Variants in DSCC1 observed in about 807,000 individuals in gnomAD.
DSCC1 encodes the protein DNA replication and sister chromatid cohesion 1.
DSCC1 carries 32 observed loss-of-function variants against 48.2 expected under a neutral mutation model. The observed-to-expected ratio is 0.66, with a 90% CI of 0.50 to 0.89. DSCC1 has a LOEUF of 0.89. Ranked by LOEUF, DSCC1 falls within the 40% of genes least tolerant of loss-of-function variation. The probability of loss-of-function intolerance (pLI) is 0.00; values close to 1 mark genes in which losing one functional copy is unlikely to be tolerated. For synonymous variants in DSCC1, 150 were observed against 171.5 expected, an observed-to-expected ratio of 0.87 and a Z score of 0.98; for missense variants, 421 against 471.7, an observed-to-expected ratio of 0.89 and a Z score of 1.00.
At chr8:119,851,770 A>G (rs995832204) in intron 2 of DSCC1, among the ~76,000 whole-genome samples, 9 of 151,962 alleles carry the variant, frequency 5.9e-5, no homozygotes, top group African/African-American at 1.9e-4. Context: ...TTTCTCATCT[A>G]ACCCCTTTAA....
Position 119,841,956 on chromosome 8 carries a change from A to G in DSCC1, c.770-8T>C. ...ACTCAAAATAAACTTCGCCTAAGGA[A>G]AAGTTATCAGATATTTTCATATTAT... is the stretch of plus-strand genomic sequence containing the variant. On this transcript the variant is annotated splice_polypyrimidine_tract_variant and splice_region_variant and intron_variant, in intron 6 of 8. Coordinates refer to ENST00000313655, the MANE Select transcript of DSCC1 (RefSeq NM_024094.3). 6.2e-7 allele frequency: 1 copy of G among 1,612,534 alleles called. No individual in the cohort carries two copies. Among genetic ancestry groups the G allele is most frequent in the Non-Finnish European group, 8.5e-7 (1 of 1,178,878 alleles).
chr8:119,854,356 C>G (rs1826986065), intron 1 of DSCC1, among the ~76,000 whole-genome samples: 1 of 152,186 alleles, frequency 6.6e-6, no homozygotes, highest in Non-Finnish European at 1.5e-5. Flanking sequence ...TTTTCCTTGT[C>G]TGTAAAGCAT....
chr8:119,835,296 G>A (rs958977708), intron 8 of DSCC1, among the ~76,000 whole-genome samples: 1 of 152,124 alleles, frequency 6.6e-6, no homozygotes, highest in African/African-American at 2.4e-5. Flanking sequence ...CACAAGGTCA[G>A]GAGTTGAAGA....
intron 1 of DSCC1, among the ~76,000 whole-genome samples, chr8:119,855,005 G>A (rs191790116): frequency 3.0e-4 from 45 of 152,324 alleles, no homozygotes; most frequent in African/African-American, 1.1e-3. Context: ...GGGCTGCACA[G>A]GGTGGAGGGA....
At chr8:119,844,786 A>C (rs1826830792) in intron 4 of DSCC1, among the ~76,000 whole-genome samples, 1 of 152,182 alleles carries the variant, frequency 6.6e-6, no homozygotes, top group African/African-American at 2.4e-5. Flanking sequence ...GGAAATCTGC[A>C]GTTGGTACAG....
At chr8:119,837,718 G>A (rs1276902418) in intron 8 of DSCC1, among the ~76,000 whole-genome samples, 1 of 152,190 alleles carries the variant, frequency 6.6e-6, no homozygotes, top group Non-Finnish European at 1.5e-5. Context: ...AGGGCCACAG[G>A]AGTAAAGTGT....
rs1190932906 is a variant in DSCC1, at chr8:119,834,911, C to T, written c.1164G>A (p.Ser388=). 13 of 1,603,682 alleles carry T rather than the reference C, an allele frequency of 8.1e-6. No homozygotes were observed. Among genetic ancestry groups the T allele is most frequent in the East Asian group, 4.5e-5 (2 of 44,616 alleles). The change falls in exon 9 of 9, where the codon TCG becomes TCA. Residue 388 remains serine (S), a synonymous_variant. Transcript: ENST00000313655. The part of the protein sequence containing the change: ...SMQNGVKVYN[S]RRPIS The stretch of plus-strand genomic sequence containing the variant: ...TGTTCTTTTAAGAAATGGGTCTTCT[C>T]GAATTATAAACTTTAACACCATTTT...
chr8:119,838,311 G>C lies in DSCC1; in HGVS notation c.1021C>G (p.Leu341Val), dbSNP rs1029084655. ...PEDNQERFNSLFSLREKWTEE... is the reference protein window; with the variant it reads ...PEDNQERFNSVFSLREKWTEE... ...GTCCACTTCTCCCTTAGAGAGAAAA[G>C]GCTATTAAAACGTTCCTGATTATCC... The change falls in exon 8 of 9, where the codon CTT becomes GTT. Residue 341 changes from leucine (L) to valine (V), a missense_variant. Physicochemically the swap from Leu to Val is conservative, Grantham distance 32. This residue lies in a region of DSCC1 where 238 missense variants were observed against 259.0 expected (regional missense o/e 0.92). Transcript: ENST00000313655. The C allele has an allele frequency of 6.2e-7, 1 of 1,608,388 alleles. No individual in the cohort carries two copies. Among genetic ancestry groups the C allele is most frequent in the African/African-American group, 1.3e-5 (1 of 74,910 alleles).
rs778669565 is a variant in DSCC1, at chr8:119,834,977, G to C, written c.1098C>G (p.Thr366=). The C allele has an allele frequency of 1.9e-6, 3 of 1,605,262 alleles. No homozygotes were observed. The highest frequency in any genetic ancestry group is 2.6e-6 in the Non-Finnish European group (3 of 1,175,984). The change falls in exon 9 of 9, where the codon ACC becomes ACG. Residue 366 remains threonine, a synonymous_variant. Coordinates refer to ENST00000313655, the MANE Select transcript of DSCC1 (RefSeq NM_024094.3). ...YIQDLCGEKQ[T]IGALLTKYSH... ...AATATTTAGTGAGTAATGCACCTATGGTTTGCTTCTCTCCACACAAATCTC... is the reference window on the plus strand; with the variant it reads ...AATATTTAGTGAGTAATGCACCTATCGTTTGCTTCTCTCCACACAAATCTC...
rs370421468 is a variant in DSCC1, at chr8:119,846,985, G to A, written c.577+5C>T. The A allele has an allele frequency of 8.1e-6, 13 of 1,612,678 alleles. No individual in the cohort carries two copies. The highest frequency in any genetic ancestry group is 1.6e-4 in the Middle Eastern group (1 of 6,066). The stretch of plus-strand genomic sequence containing the variant: ...CATTGTTAAAATAGTAGTAAGTAAC[G>A]CTACCTCCAATCTTACAGGCATTTA... On this transcript the variant is annotated splice_donor_5th_base_variant and intron_variant, in intron 4 of 8. Coordinates refer to ENST00000313655, the MANE Select transcript of DSCC1 (RefSeq NM_024094.3).
chr8:119,841,507 C>A (rs745775834), intron 7 of DSCC1, among the ~76,000 whole-genome samples: 2 of 152,002 alleles, frequency 1.3e-5, no homozygotes, highest in Non-Finnish European at 2.9e-5. Context: ...AGAAAATGGA[C>A]CCAAGCGATC....
chr8:119,843,369 T>C (rs1826803661), intron 5 of DSCC1, among the ~76,000 whole-genome samples: 1 of 152,160 alleles, frequency 6.6e-6, no homozygotes, highest in Non-Finnish European at 1.5e-5. Context: ...ATTACAGGCA[T>C]GAGCCACTGC....
chr8:119,836,169 TG>T (rs1826680164), intron 8 of DSCC1, among the ~76,000 whole-genome samples: 1 of 152,120 alleles, frequency 6.6e-6, no homozygotes, highest in Non-Finnish European at 1.5e-5. Context: ...AAGAATTAGC[TG>T]GGCATGGTGG....
chr8:119,845,071 ATTTATTTATTTAT>A (rs1304761963), intron 4 of DSCC1, among the ~76,000 whole-genome samples: 5 of 149,180 alleles, frequency 3.4e-5, no homozygotes, highest in Admixed American at 2.7e-4. Flanking sequence ...TTATTTATTT[ATTTATTTATTTAT>A]TTATTTATTT....
rs1416739141 is a variant in DSCC1 at position 119,843,620 on chromosome 8, T to C, written c.705A>G (p.Pro235=). ...PLNTCLQELG[P]LEPEEMIEHC... ...ATTAAAATACTTACTCTGGCTCCAA[T>C]GGTCCGAGTTCCTGAAGGCATGTGT... Residue 235 remains proline, a synonymous_variant, in exon 5 of 9, where the codon CCA becomes CCG. Coordinates refer to ENST00000313655, the MANE Select transcript of DSCC1 (RefSeq NM_024094.3). The C allele has an allele frequency of 1.9e-6, 3 of 1,609,348 alleles. No homozygotes were observed. The Admixed American group carries it at 5.1e-5, about 27-fold the overall frequency.
intron 3 of DSCC1, among the ~76,000 whole-genome samples, chr8:119,849,946 A>G (rs62526620): frequency 0.11 from 17,444 of 152,176 alleles, 1,132 homozygotes; most frequent in Middle Eastern, 0.29. Context: ...GTTAATTTTG[A>G]CACTGGAGTA....
At chr8:119,844,289 AT>A (rs1392129166) in intron 4 of DSCC1, among the ~76,000 whole-genome samples, 1 of 151,946 alleles carries the variant, frequency 6.6e-6, no homozygotes. Context: ...AATACAAAAA[AT>A]TAGCTGGGCG....
chr8:119,851,909 C>A (rs1414638225), intron 2 of DSCC1, among the ~76,000 whole-genome samples: 1 of 152,106 alleles, frequency 6.6e-6, no homozygotes, highest in Non-Finnish European at 1.5e-5. Context: ...TATGCCCTCA[C>A]AAAAACACCT....
chr8:119,855,627 C>T lies in DSCC1; in HGVS notation c.169G>A (p.Glu57Lys). The change falls in exon 1 of 9, where the codon GAG (glutamate) becomes AAG (lysine). Residue 57 changes from glutamate (E) to lysine (K), a missense_variant. Transcript: ENST00000313655. Reference protein sequence around the residue: ...ELEPTLCQQLEDGHSLVIRGD... With the variant: ...ELEPTLCQQLKDGHSLVIRGD... ...ACCAGGGCTCACCTGTGTCCATCCT[C>T]CAGCTGCTGGCACAGCGTGGGCTCC... 1.3e-6 allele frequency: 2 copies of T among 1,545,604 alleles called. No individual in the cohort carries two copies. The highest frequency in any genetic ancestry group is 4.9e-5 in the East Asian group (2 of 40,736).
Sources: allele counts gnomAD v4.1 joint callset (sites outside exome capture counted in the v4.1 genomes callset), GRCh38; gene constraint gnomAD v4.1.1; regional missense constraint gnomAD v4.1.1; transcripts MANE v1.5; gene names NCBI Gene and HGNC (gene_info 2026-07-23, HGNC 2026-07-21).